GLIS3: variants seen among roughly 807,000 people sequenced by gnomAD.
GLIS3 encodes the protein zinc finger protein GLIS3.
Under a neutral mutation model 78.6 loss-of-function variants are expected in GLIS3, and 53 were observed. The ratio of observed to expected loss-of-function variants is 0.67; its 90% CI spans 0.54 to 0.85. The LOEUF (loss-of-function observed/expected upper bound fraction) is 0.85. GLIS3 is among the 40% of genes least tolerant of loss of function. The pLI, the probability that GLIS3 is intolerant of heterozygous loss-of-function variation, is 0.00. For missense variants in GLIS3, 1,703 were observed against 1,231.1 expected (o/e 1.38, Z -5.74); for synonymous variants, 684 against 509.9 (o/e 1.34, Z -4.60).
Position 4,276,454 on chromosome 9 carries a change from G to A in GLIS3, c.388+9584C>T, listed in dbSNP as rs1280221403. Among the ~76,000 whole-genome samples, 3 of 13,668 alleles carry A rather than the reference G, an allele frequency of 2.2e-4. 1 individual carries two copies. The highest frequency in any genetic ancestry group is 7.9e-3 in the South Asian group (1 of 126). The allele number at this position is 13,668 out of a possible 152,430, so 9.0% of individuals were successfully genotyped here. A position where few individuals can be genotyped will look rare whatever the true frequency, so the allele number is the denominator to read the frequency against. ...AAGGGGACGGGAGGGGAGGGAAGGGGAGGGGAGGGAAGGGGACGGGAGGGG... is the reference window on the plus strand; with the variant it reads ...AAGGGGACGGGAGGGGAGGGAAGGGAAGGGGAGGGAAGGGGACGGGAGGGG... On this transcript the variant is annotated intron_variant, in intron 2 of 10. Coordinates refer to ENST00000381971, the MANE Select transcript of GLIS3 (RefSeq NM_001042413.2).
chr9:4,265,687 G>A (rs1825934046), intron 2 of GLIS3, among the ~76,000 whole-genome samples: 1 of 152,140 alleles, frequency 6.6e-6, no homozygotes, highest in Non-Finnish European at 1.5e-5. Context: ...ATAGACTAAT[G>A]CAGAAGCATG....
intron 2 of GLIS3, among the ~76,000 whole-genome samples, chr9:4,197,558 C>A (rs112199892): frequency 0.012 from 1,895 of 152,298 alleles, 39 homozygotes; most frequent in African/African-American, 0.043. Flanking sequence ...TGGTGTCCGC[C>A]CACTGGATTC....
chr9:4,212,831 G>A (rs1448327058), intron 2 of GLIS3, among the ~76,000 whole-genome samples: 1 of 152,202 alleles, frequency 6.6e-6, no homozygotes, highest in Non-Finnish European at 1.5e-5. Context: ...GGGGCCAGAT[G>A]ACAAAGAGCT....
chr9:4,156,046 C>G (rs538643324), intron 2 of GLIS3, among the ~76,000 whole-genome samples: 1 of 152,242 alleles, frequency 6.6e-6, no homozygotes, highest in South Asian at 2.1e-4. Flanking sequence ...ACTCCTCATA[C>G]CAGTTTCAGG....
intron 6 of GLIS3, among the ~76,000 whole-genome samples, chr9:3,908,714 T>TG (rs1554644806): frequency 5.7e-5 from 8 of 141,508 alleles, no homozygotes; most frequent in Non-Finnish European, 9.1e-5. Context: ...TTGTTTTTTT[T>TG]TTTTTTTTTT....
At chr9:4,166,539 T>A (rs1224724499) in intron 2 of GLIS3, among the ~76,000 whole-genome samples, 2 of 152,236 alleles carry the variant, frequency 1.3e-5, no homozygotes, top group Non-Finnish European at 2.9e-5. Context: ...GCACTAATGA[T>A]ATAAGTTCAA....
At chr9:4,324,386 A>G (rs1817573802) in intron 2 of GLIS3, among the ~76,000 whole-genome samples, 1 of 152,112 alleles carries the variant, frequency 6.6e-6, no homozygotes, top group Non-Finnish European at 1.5e-5. Context: ...CAACCTCAGT[A>G]TTTTCATCAG....
At position 4,127,471 on chromosome 9, in the gene GLIS3, G is replaced by T. The variant is rs566708090; in HGVS notation, c.389-1530C>A. Among the ~76,000 whole-genome samples the T allele has an allele frequency of 3.3e-5, 5 of 152,168 alleles. No homozygotes were observed. The East Asian group carries it at 7.7e-4, about 23-fold the overall frequency. On this transcript the variant is annotated intron_variant, in intron 2 of 10. Transcript: ENST00000381971. ...CATCTTCTTGTGCCTTAAAAGATCA[G>T]TTATAGATATTCTGTTTTCGTAACT...
chr9:4,087,804 C>T (rs1242320682), intron 4 of GLIS3, among the ~76,000 whole-genome samples: 2 of 152,128 alleles, frequency 1.3e-5, no homozygotes, highest in East Asian at 1.9e-4. Context: ...CAGGCCTGAC[C>T]GCTTCCTCCA....
chr9:4,317,478 C>T (rs1178775645), intron 2 of GLIS3, among the ~76,000 whole-genome samples: 1 of 152,196 alleles, frequency 6.6e-6, no homozygotes, highest in African/African-American at 2.4e-5. Context: ...CTTTAGGAAG[C>T]AGATGTCTTT....
At chr9:4,116,317 T>C (rs1831635002) in intron 4 of GLIS3, among the ~76,000 whole-genome samples, 1 of 152,196 alleles carries the variant, frequency 6.6e-6, no homozygotes, top group Non-Finnish European at 1.5e-5. Context: ...TTGCCTTCAA[T>C]TGCTTGTTTC....
At chr9:4,473,558 C>G in the GLIS3 span, among the ~76,000 whole-genome samples, 94 of 151,866 alleles carry the variant, frequency 6.2e-4, no homozygotes, top group Admixed American at 7.9e-4. Flanking sequence ...CCAAATACCA[C>G]ATGTTCTCAC....
Position 3,825,586 on chromosome 9 carries a change from TGAAAG to T in GLIS3, c.*2681_*2685del, listed in dbSNP as rs558265621. On this transcript the variant is annotated 3_prime_UTR_variant, in exon 11 of 11. Coordinates refer to ENST00000381971, the MANE Select transcript of GLIS3 (RefSeq NM_001042413.2). ...ATCAAGACTTAAAAAGACCAGGACA[TGAAAG>T]GGAATGATTTTTTTGAAGTTTCCAC... The T allele has an allele frequency of 2.1e-4, 32 of 152,212 alleles. No individual in the cohort carries two copies. The highest frequency in any genetic ancestry group is 7.7e-4 in the African/African-American group (32 of 41,480). The allele number at this position is 152,212 out of a possible 1,614,324, so 9.4% of individuals were successfully genotyped here.
chr9:4,397,114 C>T, the GLIS3 span, among the ~76,000 whole-genome samples: 4 of 142,858 alleles, frequency 2.8e-5, no homozygotes, highest in East Asian at 4.0e-4. Context: ...CAAGCTCCAC[C>T]TCCTGGGTTC....
rs144281021 is a variant in GLIS3 at position 3,984,933 on chromosome 9, T to C, written c.1711-47744A>G. Among the ~76,000 whole-genome samples the C allele has an allele frequency of 2.5e-4, 38 of 152,242 alleles. No individual in the cohort carries two copies. The East Asian group carries it at 6.6e-3, about 26-fold the overall frequency. On this transcript the variant is annotated intron_variant, in intron 4 of 10. Coordinates refer to ENST00000381971, the MANE Select transcript of GLIS3 (RefSeq NM_001042413.2). ...AGATTTCTTTGCCTGCTGCCAACCA[T>C]GTAAGATGTGACTTGCTCGTCCTTG...
chr9:4,144,321 T>C (rs1834042898), intron 2 of GLIS3, among the ~76,000 whole-genome samples: 1 of 152,168 alleles, frequency 6.6e-6, no homozygotes, highest in Admixed American at 6.5e-5. Context: ...CCTCAGAAAC[T>C]TGGCAAATAC....
At chr9:4,283,682 T>A (rs10974435) in intron 2 of GLIS3, among the ~76,000 whole-genome samples, 2 of 152,034 alleles carry the variant, frequency 1.3e-5, no homozygotes, top group Admixed American at 1.3e-4. Context: ...CCATAATATA[T>A]GCTCAATAAT....
chr9:4,011,207 G>A (rs924727554), intron 4 of GLIS3, among the ~76,000 whole-genome samples: 24 of 152,104 alleles, frequency 1.6e-4, no homozygotes, highest in Admixed American at 3.3e-4. Context: ...AATAAATAAC[G>A]TGTGCGCAGA....
the GLIS3 span, among the ~76,000 whole-genome samples, chr9:4,396,429 C>A: frequency 2.7e-3 from 409 of 152,218 alleles, no homozygotes; most frequent in Non-Finnish European, 5.0e-3. Flanking sequence ...ATGCCCAGCC[C>A]ATTTTTACTT....
Sources: allele counts gnomAD v4.1 joint callset (sites outside exome capture counted in the v4.1 genomes callset), GRCh38; gene constraint gnomAD v4.1.1; transcripts MANE v1.5; gene names NCBI Gene and HGNC (gene_info 2026-07-23, HGNC 2026-07-21).